MUC12: variants seen among roughly 807,000 people sequenced by gnomAD.
MUC12 encodes mucin 12, cell surface associated.
Under a neutral mutation model 230.8 loss-of-function variants are expected in MUC12, and 172 were observed. That is an observed-to-expected ratio of 0.75 (90% confidence interval 0.66 to 0.85). The LOEUF is 0.85. Among genes scored for constraint, MUC12 ranks in the 40% least tolerant of loss-of-function variants. The pLI is 0.00. For synonymous variants in MUC12, 1,259 were observed against 2,401.9 expected, an observed-to-expected ratio of 0.52 and a Z score of 13.91; for missense variants, 3,506 against 5,920.6, an observed-to-expected ratio of 0.59 and a Z score of 13.38.
Position 100,990,822 on chromosome 7 carries a change from G to C in MUC12, c.259G>C (p.Gly87Arg). 6.5e-6 allele frequency: 10 copies of C among 1,537,378 alleles called. No homozygotes were observed. The highest frequency in any genetic ancestry group is 8.7e-6 in the Non-Finnish European group (10 of 1,146,910). ...TGAGGAATCAACAGTATCCCACAGC[G>C]GCCCAGGTGCAACTGGAACAACACT... is the stretch of plus-strand genomic sequence containing the variant. ...HSEESTVSHS[G>R]PGATGTTLFP... The change falls in exon 2 of 12, where the codon GGC (glycine) becomes CGC (arginine). Residue 87 changes from glycine to arginine, a missense_variant. Coordinates refer to ENST00000536621, the MANE Select transcript of MUC12 (RefSeq NM_001164462.2).
At position 101,008,769 on chromosome 7, in the gene MUC12, C is replaced by T. The variant is rs906262986; in HGVS notation, c.15186+8C>T. On this transcript the variant is annotated splice_region_variant and intron_variant, in intron 4 of 11. Coordinates refer to ENST00000536621, the MANE Select transcript of MUC12 (RefSeq NM_001164462.2). Reference sequence around the variant, plus strand: ...ACCCTCTTCAAGAATCGGGTAAGACCAGGGCACACCCAGACACCCCAGGGT... The same window carrying T: ...ACCCTCTTCAAGAATCGGGTAAGACTAGGGCACACCCAGACACCCCAGGGT... 3 of 1,536,038 alleles carry T rather than the reference C, an allele frequency of 2.0e-6. No individual in the cohort carries two copies. The highest frequency in any genetic ancestry group is 2.4e-5 in the South Asian group (2 of 83,866).
At chr7:100,969,738 A>G in intron 1 of MUC12, 49 bp downstream of exon 1, 2 of 1,537,036 alleles carry the variant, frequency 1.3e-6, no homozygotes, top group Non-Finnish European at 1.7e-6. Context: ...CTGGGTGGTA[A>G]TAGTACATGC....
At chr7:100,989,271 G>A (rs1351151091) in intron 1 of MUC12, among the ~76,000 whole-genome samples, 3 of 151,764 alleles carry the variant, frequency 2.0e-5, no homozygotes, top group South Asian at 2.1e-4. Context: ...ACCACACCCG[G>A]CTAATTTTTG....
At position 101,005,312 on chromosome 7, in the gene MUC12, A is replaced by C; in HGVS notation, c.14749A>C (p.Thr4917Pro). ...CCACAGCAGCTCAGACGCAACTGGA[A>C]CAACACCCTTACCTGCCCGCTCCAC... The part of the protein sequence containing the change: ...AFHSSSDATG[T>P]TPLPARSTAS... Residue 4917 changes from threonine to proline, a missense_variant, in exon 2 of 12, where the codon ACA (threonine) becomes CCA (proline). Transcript: ENST00000536621. 1 of 1,537,938 alleles carries C rather than the reference A, an allele frequency of 6.5e-7. No individual in the cohort carries two copies. Among genetic ancestry groups the C allele is most frequent in the East Asian group, 2.4e-5 (1 of 40,922 alleles).
At chr7:101,013,675 C>T (rs147737972) in intron 8 of MUC12, among the ~76,000 whole-genome samples, 26 of 152,306 alleles carry the variant, frequency 1.7e-4, no homozygotes, top group African/African-American at 5.5e-4. Context: ...ACCCAACACT[C>T]TCAGGTCCCC....
rs1228173955 is a variant in MUC12, at chr7:101,018,617, T to A, written c.15989T>A (p.Met5330Lys). Reference sequence around the variant, plus strand: ...CAGCTCCACATCCAGAGGCCGGAGATGGTAGCATCCACTGTGTGAGCCAAC... The same window carrying A: ...CAGCTCCACATCCAGAGGCCGGAGAAGGTAGCATCCACTGTGTGAGCCAAC... The part of the protein sequence containing the change: ...GTELHIQRPE[M>K]VASTV The change falls in exon 12 of 12, where the codon ATG becomes AAG. Residue 5330 changes from methionine to lysine, a missense_variant. Met to Lys is a moderately conservative substitution (Grantham distance 95, BLOSUM62 -1). Transcript: ENST00000536621. The A allele has an allele frequency of 3.9e-6, 6 of 1,536,008 alleles. No homozygotes were observed. The highest frequency in any genetic ancestry group is 5.2e-6 in the Non-Finnish European group (6 of 1,146,278).
In MUC12 at chr7:100,991,305, G is replaced by T. The variant is rs375755133; in HGVS notation, c.742G>T (p.Ala248Ser). The stretch of plus-strand genomic sequence containing the variant: ...CACCACAACCTCAGGCCTCCTTGAA[G>T]CATCTACGCCCGTCCACAGCAGCAC... ...DNTTTSGLLE[A>S]STPVHSSTGS... Residue 248 changes from alanine (A) to serine (S), a missense_variant, in exon 2 of 12, where the codon GCA (alanine) becomes TCA (serine). Physicochemically the swap from Ala to Ser is moderately conservative, Grantham distance 99 (BLOSUM62 1). Transcript: ENST00000536621. 1 of 1,537,738 alleles carries T rather than the reference G, an allele frequency of 6.5e-7. No homozygotes were observed.
At position 100,992,020 on chromosome 7, in the gene MUC12, A is replaced by C. The variant is rs1403735915; in HGVS notation, c.1457A>C (p.Lys486Thr). Residue 486 changes from lysine to threonine, a missense_variant, in exon 2 of 12, where the codon AAA (lysine) becomes ACA (threonine). Coordinates refer to ENST00000536621, the MANE Select transcript of MUC12 (RefSeq NM_001164462.2). ...ACAGCGTTACCCGGCAGTACCACAA[A>C]ACCAGGCCTCAGTGAGAAATCTACC... ...ETTALPGSTTKPGLSEKSTTF... is the reference protein window; with the variant it reads ...ETTALPGSTTTPGLSEKSTTF... 6.5e-7 allele frequency: 1 copy of C among 1,537,774 alleles called. No homozygotes were observed. Among genetic ancestry groups the C allele is most frequent in the East Asian group, 2.4e-5 (1 of 40,932 alleles).
chr7:100,995,430 A>T lies in MUC12; in HGVS notation c.4867A>T (p.Thr1623Ser). ...STDTTLSPGSTTASSLGPEST... is the reference protein window; with the variant it reads ...STDTTLSPGSSTASSLGPEST... ...AGACACAACATTGTCCCCTGGCAGT[A>T]CCACAGCATCATCCCTTGGTCCAGA... The change falls in exon 2 of 12, where the codon ACC (threonine) becomes TCC (serine). Residue 1623 changes from threonine (T) to serine (S), a missense_variant. By Grantham distance (58) the Thr-to-Ser change is moderately conservative. Transcript: ENST00000536621. 6.5e-7 allele frequency: 1 copy of T among 1,533,912 alleles called. No homozygotes were observed. The highest frequency in any genetic ancestry group is 8.7e-7 in the Non-Finnish European group (1 of 1,145,458).
intron 1 of MUC12, among the ~76,000 whole-genome samples, chr7:100,977,555 G>T: frequency 6.6e-6 from 1 of 151,980 alleles, no homozygotes; most frequent in South Asian, 2.1e-4. Flanking sequence ...TAGTAGAGAC[G>T]GGGTTTCACC....
rs370201444 is a variant in MUC12 at position 100,992,142 on chromosome 7, C to T, written c.1579C>T (p.Arg527Ter). 22 of 1,537,720 alleles carry T rather than the reference C, an allele frequency of 1.4e-5. No homozygotes were observed. Among genetic ancestry groups the T allele is most frequent in the Admixed American group, 5.9e-5 (3 of 50,980 alleles). ...TGAAGAATCCACCACCTCCCACAGC[C>T]GACCAGGCTCAACACACACAACAGC... is the stretch of plus-strand genomic sequence containing the variant. The part of the protein sequence containing the change: ...VSEESTTSHS[R>*]PGSTHTTAFP... Residue 527 changes from arginine to a stop codon, truncating the protein, a stop_gained, in exon 2 of 12, where the codon CGA (arginine) becomes TGA (stop). Coordinates refer to ENST00000536621, the MANE Select transcript of MUC12 (RefSeq NM_001164462.2). LOFTEE classifies it high-confidence loss of function.
At chr7:101,017,688 AC>A in intron 11 of MUC12, 25 bp downstream of exon 11, 1 of 1,496,352 alleles carries the variant, frequency 6.7e-7, no homozygotes, top group Non-Finnish European at 9.0e-7. Context: ...AGCTGCCCCC[AC>A]CCCCTGAGGC....
intron 1 of MUC12, chr7:100,973,014 G>A (rs1206355842): frequency 1.6e-5 from 11 of 702,996 alleles, no homozygotes; most frequent in East Asian, 5.4e-5. Flanking sequence ...GATGGAGCGT[G>A]ATGTTTGCTG....
Position 100,991,930 on chromosome 7 carries a change from C to T in MUC12, c.1367C>T (p.Ser456Phe), listed in dbSNP as rs575368158. Reference protein sequence around the residue: ...AMATTVLPAGSTPSVLVGDST... With the variant: ...AMATTVLPAGFTPSVLVGDST... ...GCAACAACAGTCTTACCTGCCGGCT[C>T]TACACCCTCAGTTCTTGTTGGAGAC... The change falls in exon 2 of 12, where the codon TCT (serine) becomes TTT (phenylalanine). Residue 456 changes from serine to phenylalanine, a missense_variant. Physicochemically the swap from Ser to Phe is radical, Grantham distance 155. Transcript: ENST00000536621. 20 of 1,537,974 alleles carry T rather than the reference C, an allele frequency of 1.3e-5. No homozygotes were observed. Among genetic ancestry groups the T allele is most frequent in the Non-Finnish European group, 1.7e-5 (19 of 1,147,060 alleles).
In MUC12 at chr7:100,991,999, C is replaced by A. The variant is rs1308038421; in HGVS notation, c.1436C>A (p.Ala479Glu). ...AGTTCAGGCTCAATGGAAACCACAG[C>A]GTTACCCGGCAGTACCACAAAACCA... ...PISSGSMETT[A>E]LPGSTTKPGL... The change falls in exon 2 of 12, where the codon GCG becomes GAG. Residue 479 changes from alanine (A) to glutamate (E), a missense_variant. By Grantham distance (107) the Ala-to-Glu change is moderately radical. Coordinates refer to ENST00000536621, the MANE Select transcript of MUC12 (RefSeq NM_001164462.2). The A allele has an allele frequency of 3.1e-5, 48 of 1,537,834 alleles. No individual in the cohort carries two copies. Among genetic ancestry groups the A allele is most frequent in the African/African-American group, 5.5e-5 (4 of 73,040 alleles).
rs779592163 is a variant in MUC12 at position 100,991,317 on chromosome 7, G to T, written c.754G>T (p.Val252Phe). The change falls in exon 2 of 12, where the codon GTC (valine) becomes TTC (phenylalanine). Residue 252 changes from valine (V) to phenylalanine (F), a missense_variant. Coordinates refer to ENST00000536621, the MANE Select transcript of MUC12 (RefSeq NM_001164462.2). Reference sequence around the variant, plus strand: ...AGGCCTCCTTGAAGCATCTACGCCCGTCCACAGCAGCACTGGATCGCCACA... The same window carrying T: ...AGGCCTCCTTGAAGCATCTACGCCCTTCCACAGCAGCACTGGATCGCCACA... ...TSGLLEASTP[V>F]HSSTGSPHTT... The T allele has an allele frequency of 4.6e-6, 7 of 1,537,362 alleles. No individual in the cohort carries two copies. The highest frequency in any genetic ancestry group is 1.2e-5 in the South Asian group (1 of 84,046).
rs1200853882 is a variant in MUC12, at chr7:101,005,246, A to G, written c.14683A>G (p.Thr4895Ala). The G allele has an allele frequency of 6.5e-7, 1 of 1,537,812 alleles. No individual in the cohort carries two copies. The part of the protein sequence containing the change: ...PGFTHTVLPA[T>A]LTTTDIGQES... Reference sequence around the variant, plus strand: ...CTTCACTCACACAGTGTTACCTGCCACCCTCACAACCACAGACATTGGTCA... The same window carrying G: ...CTTCACTCACACAGTGTTACCTGCCGCCCTCACAACCACAGACATTGGTCA... Residue 4895 changes from threonine (T) to alanine (A), a missense_variant, in exon 2 of 12, where the codon ACC becomes GCC. By Grantham distance (58) the Thr-to-Ala change is moderately conservative. Transcript: ENST00000536621.
intron 1 of MUC12, among the ~76,000 whole-genome samples, chr7:100,976,022 T>G (rs984688212): frequency 6.6e-6 from 1 of 152,244 alleles, no homozygotes; most frequent in African/African-American, 2.4e-5. Context: ...GCATGGTGGC[T>G]CACTCATGCC....
At position 100,972,203 on chromosome 7, in the gene MUC12, A is replaced by G. The variant is rs1479228797; in HGVS notation, c.67+2514A>G. The stretch of plus-strand genomic sequence containing the variant: ...GATCTGTGTAAGGAAGTCGGGGCAG[A>G]TGAGGATATGTAGAGACTCAGAGAG... On this transcript the variant is annotated intron_variant, in intron 1 of 11. Coordinates refer to ENST00000536621, the MANE Select transcript of MUC12 (RefSeq NM_001164462.2). The G allele has an allele frequency of 4.8e-5, 34 of 703,094 alleles. No individual in the cohort carries two copies. In the African/African-American group the frequency reaches 5.1e-4, roughly 10 times the overall value. 43.6% of individuals were successfully genotyped at this position (703,094 alleles called of 1,614,324 possible).
Sources: gnomAD v4.1 joint callset for allele counts (sites outside exome capture counted in the v4.1 genomes callset) on GRCh38, gnomAD v4.1.1 for gene constraint, MANE v1.5 for transcripts, NCBI Gene and HGNC (gene_info 2026-07-23, HGNC 2026-07-21) for gene names.